ACCSL: variants seen among roughly 807,000 people sequenced by gnomAD.
ACCSL encodes the protein probable inactive 1-aminocyclopropane-1-carboxylate synthase-like protein 2.
Under a neutral mutation model 61.7 loss-of-function variants are expected in ACCSL, and 55 were observed. The ratio of observed to expected loss-of-function variants is 0.89; its 90% CI spans 0.72 to 1.12. The LOEUF (loss-of-function observed/expected upper bound fraction) is 1.12, where lower values mean the gene tolerates loss of function less well. Among genes scored for constraint, ACCSL ranks in the 50% most tolerant of loss-of-function variants. The pLI, the probability that ACCSL is intolerant of heterozygous loss-of-function variation, is 0.00. For missense variants in ACCSL, 632 were observed against 698.0 expected, an observed-to-expected ratio of 0.91 and a Z score of 1.07; for synonymous variants, 258 against 264.3, an observed-to-expected ratio of 0.98 and a Z score of 0.23.
chr11:44,045,459 C>G (rs567033103), upstream of ACCSL, among the ~76,000 whole-genome samples: 8 of 152,082 alleles, frequency 5.3e-5, no homozygotes, highest in African/African-American at 2.4e-5. Flanking sequence ...CAACCCCCCC[C>G]ACAAAAAAAC....
chr11:44,025,405 A>G, the ACCSL span, among the ~76,000 whole-genome samples: 1 of 152,222 alleles, frequency 6.6e-6, no homozygotes, highest in Non-Finnish European at 1.5e-5. Context: ...ACTAGTATCA[A>G]CTTAATTTCA....
At chr11:43,921,400 G>C in the ACCSL span, among the ~76,000 whole-genome samples, 1 of 152,164 alleles carries the variant, frequency 6.6e-6, no homozygotes, top group Non-Finnish European at 1.5e-5. Flanking sequence ...AGCACGGCTT[G>C]TTTCTCTAAG....
chr11:43,926,393 T>C, the ACCSL span: 1 of 373,794 alleles, frequency 2.7e-6, no homozygotes, highest in South Asian at 2.0e-5. Flanking sequence ...CAGGCTCAGA[T>C]GCACCCCCAC....
chr11:43,923,458 A>C, the ACCSL span, among the ~76,000 whole-genome samples: 2 of 152,060 alleles, frequency 1.3e-5, no homozygotes, highest in African/African-American at 4.8e-5. Context: ...ACATGATTCC[A>C]CCCACACGCT....
the ACCSL span, among the ~76,000 whole-genome samples, chr11:43,935,786 C>G: frequency 9.9e-5 from 15 of 152,166 alleles, no homozygotes; most frequent in African/African-American, 3.1e-4. Context: ...CGCCACCATG[C>G]CCAGCAACAA....
the ACCSL span, among the ~76,000 whole-genome samples, chr11:43,959,623 T>C: frequency 6.6e-6 from 1 of 152,200 alleles, no homozygotes; most frequent in Non-Finnish European, 1.5e-5. Flanking sequence ...GCCCTGGCTC[T>C]ACTCTGCCCT....
At chr11:44,043,575 A>G (rs1452563316), upstream of ACCSL, among the ~76,000 whole-genome samples, 1 of 152,090 alleles carries the variant, frequency 6.6e-6, no homozygotes, top group African/African-American at 2.4e-5. Context: ...TAGCATTTGG[A>G]CTTCTTGAAT....
rs1209968109 is a variant in ACCSL at position 44,053,056 on chromosome 11, A to T, written c.936A>T (p.Glu312Asp). The T allele has an allele frequency of 2.5e-6, 4 of 1,613,928 alleles. No individual in the cohort carries two copies. The Admixed American group carries it at 6.7e-5, about 27-fold the overall frequency. ...ACAAGTTAGAGGAAGCCCTGCTTGA[A>T]GCTAGGCTTGAGGTAAGGTGGGAAC... is the stretch of plus-strand genomic sequence containing the variant. Reference protein sequence around the residue: ...TVDKLEEALLEARLEGKKVRG... With the variant: ...TVDKLEEALLDARLEGKKVRG... Residue 312 changes from glutamate to aspartate, a missense_variant, in exon 7 of 14, where the codon GAA becomes GAT. Physicochemically the swap from Glu to Asp is conservative, Grantham distance 45. Coordinates refer to ENST00000378832, the MANE Select transcript of ACCSL (RefSeq NM_001031854.2).
At chr11:43,953,916 G>A in the ACCSL span, among the ~76,000 whole-genome samples, 2 of 152,034 alleles carry the variant, frequency 1.3e-5, no homozygotes, top group Non-Finnish European at 2.9e-5. Context: ...CTATGGACTC[G>A]CCCCAAATTC....
Position 44,050,077 on chromosome 11 carries a change from G to A in ACCSL, c.520G>A (p.Gly174Ser), listed in dbSNP as rs765736171. The change falls in exon 2 of 14, where the codon GGC (glycine) becomes AGC (serine). Residue 174 changes from glycine (G) to serine (S), a missense_variant. Gly to Ser is a moderately conservative substitution (Grantham distance 56). Transcript: ENST00000378832. ...CCATCTCCAGGGTTTCATTAACCTT[G>A]GCACCAGTGAGAACAAGCTCTGCAT... ...DKNTLGFINL[G>S]TSENKLCMDL... is the part of the protein sequence containing the mutation. 1.7e-5 allele frequency: 27 copies of A among 1,614,050 alleles called. 2 individuals carry two copies. In the South Asian group the frequency reaches 2.7e-4, roughly 16 times the overall value.
chr11:44,009,574 T>C, the ACCSL span, among the ~76,000 whole-genome samples: 1 of 152,138 alleles, frequency 6.6e-6, no homozygotes, highest in Admixed American at 6.5e-5. Context: ...GAGACCAGCC[T>C]CGGCGACATA....
the ACCSL span, among the ~76,000 whole-genome samples, chr11:44,014,314 C>G: frequency 4.6e-5 from 7 of 152,274 alleles, no homozygotes; most frequent in African/African-American, 1.7e-4. Flanking sequence ...CATCTGAAAA[C>G]TGGACTGGGC....
the ACCSL span, among the ~76,000 whole-genome samples, chr11:44,033,346 C>G: frequency 2.0e-5 from 3 of 152,110 alleles, no homozygotes; most frequent in Admixed American, 2.0e-4. Flanking sequence ...ACAAAAACTC[C>G]GTATCAGACC....
chr11:43,949,835 A>AACG, the ACCSL span, among the ~76,000 whole-genome samples: 1 of 149,514 alleles, frequency 6.7e-6, no homozygotes, highest in Non-Finnish European at 1.5e-5. Flanking sequence ...AACAAACAAC[A>AACG]ACAACAACAA....
the ACCSL span, among the ~76,000 whole-genome samples, chr11:44,003,430 G>T: frequency 2.0e-5 from 3 of 152,024 alleles, no homozygotes; most frequent in South Asian, 4.2e-4. Flanking sequence ...AGGTGGGTGG[G>T]TCGCTTGAGG....
chr11:43,958,888 T>C, the ACCSL span, among the ~76,000 whole-genome samples: 1 of 152,094 alleles, frequency 6.6e-6, no homozygotes, highest in South Asian at 2.1e-4. Context: ...AGAATTTTAT[T>C]TGGGTTTCTC....
the ACCSL span, among the ~76,000 whole-genome samples, chr11:43,962,189 A>G: frequency 5.3e-5 from 8 of 152,218 alleles, no homozygotes; most frequent in African/African-American, 1.9e-4. Context: ...AGGCGCTGCC[A>G]TAATGGAAAC....
At chr11:44,059,719 G>A in intron 13 of ACCSL, 119 bp from the exon 14 acceptor site, 1 of 717,706 alleles carries the variant, frequency 1.4e-6, no homozygotes, top group South Asian at 2.0e-5. Flanking sequence ...TGGGAGGGCT[G>A]AAGTTCAGGA....
At chr11:44,038,540 G>A in the ACCSL span, among the ~76,000 whole-genome samples, 3 of 152,104 alleles carry the variant, frequency 2.0e-5, no homozygotes, top group Non-Finnish European at 2.9e-5. Flanking sequence ...GCAAAGGCCC[G>A]GGGGAACAAG....
Sources: allele counts gnomAD v4.1 joint callset (sites outside exome capture counted in the v4.1 genomes callset), GRCh38; gene constraint gnomAD v4.1.1; transcripts MANE v1.5; gene names NCBI Gene and HGNC (gene_info 2026-07-23, HGNC 2026-07-21).